Variants in MS4A8 observed in about 807,000 individuals in gnomAD.
MS4A8 encodes the protein membrane spanning 4-domains A8.
MS4A8 carries 27 observed loss-of-function variants against 23.7 expected under a neutral mutation model. That is an observed-to-expected ratio of 1.14 (90% CI 0.84 to 1.57). The LOEUF is 1.57. Among genes scored for constraint, MS4A8 ranks in the 40% most tolerant of loss-of-function variants. The pLI is 0.00. For missense variants in MS4A8, 301 were observed against 311.4 expected (o/e 0.97, Z 0.25); for synonymous variants, 138 against 126.3 (o/e 1.09, Z -0.62).
At chr11:60,712,438 T>C (rs955368090) in intron 5 of MS4A8, 1 of 985,338 alleles carries the variant, frequency 1.0e-6, no homozygotes, top group Non-Finnish European at 1.2e-6. Context: ...GAGAGGCCTC[T>C]CCAGAAGAGA....
chr11:60,714,132 G>T (rs925936092), intron 5 of MS4A8, among the ~76,000 whole-genome samples: 3 of 145,922 alleles, frequency 2.1e-5, no homozygotes, highest in African/African-American at 8.3e-5. Context: ...CACCTTGTTA[G>T]CCAGGATGGT....
intron 5 of MS4A8, among the ~76,000 whole-genome samples, chr11:60,714,775 G>A (rs909274473): frequency 2.6e-5 from 4 of 152,000 alleles, no homozygotes; most frequent in African/African-American, 9.7e-5. Flanking sequence ...ACCTATCAAG[G>A]GGCTTCCCTA....
rs1460334462 is a variant in MS4A8, at chr11:60,699,616, T to A, written c.-161T>A. ...GAATGAAACTGAGCTCTAAGCAGCA[T>A]GTAACCTGGCCTGCATCCAGGAAAT... On this transcript the variant is annotated 5_prime_UTR_variant, in exon 1 of 7. An upstream start codon of the reference 5' UTR is lost. Transcript: ENST00000300226. The A allele has an allele frequency of 6.6e-6, 1 of 152,188 alleles. No homozygotes were observed. Among genetic ancestry groups the A allele is most frequent in the Non-Finnish European group, 1.5e-5 (1 of 68,058 alleles). The allele number at this position is 152,188 out of a possible 1,614,324, so 9.4% of individuals were successfully genotyped here. A position where few individuals can be genotyped will look rare whatever the true frequency, so the allele number is the denominator to read the frequency against.
intron 5 of MS4A8, among the ~76,000 whole-genome samples, chr11:60,713,307 G>A (rs563126550): frequency 2.0e-5 from 3 of 152,268 alleles, no homozygotes; most frequent in East Asian, 1.9e-4. Flanking sequence ...CTAGGGGACC[G>A]GCGTTCAGCA....
At position 60,707,048 on chromosome 11, in the gene MS4A8, G is replaced by T. The variant is rs377663582; in HGVS notation, c.402+1G>T. 1 of 1,613,306 alleles carries T rather than the reference G, an allele frequency of 6.2e-7. No individual in the cohort carries two copies. Among genetic ancestry groups the T allele is most frequent in the Non-Finnish European group, 8.5e-7 (1 of 1,179,288 alleles). On this transcript the variant is annotated splice_donor_variant, in intron 4 of 6. Coordinates refer to ENST00000300226, the MANE Select transcript of MS4A8 (RefSeq NM_031457.2). LOFTEE classifies it high-confidence loss of function. ...AAATCAGCCATATTCTTATTGCCTG[G>T]TAAGTTACATTCTGAGACCAGCTCT...
chr11:60,715,485 C>T lies in MS4A8; in HGVS notation c.*71C>T, dbSNP rs2088336472. The T allele has an allele frequency of 8.0e-7, 1 of 1,244,418 alleles. No homozygotes were observed. The highest frequency in any genetic ancestry group is 2.4e-5 in the East Asian group (1 of 41,946). The allele number at this position is 1,244,418 out of a possible 1,614,324, so 77.1% of individuals were successfully genotyped here. ...CTCCTCCCTTTCTGGGCTTCCATAA[C>T]CCAGGTCGTTCCTGTTCTGACAGCT... is the stretch of plus-strand genomic sequence containing the variant. On this transcript the variant is annotated 3_prime_UTR_variant, in exon 7 of 7. Transcript: ENST00000300226.
Position 60,715,499 on chromosome 11 carries a change from G to C in MS4A8, c.*85G>C, listed in dbSNP as rs2088336627. On this transcript the variant is annotated 3_prime_UTR_variant, in exon 7 of 7. Transcript: ENST00000300226. Reference sequence around the variant, plus strand: ...GGCTTCCATAACCCAGGTCGTTCCTGTTCTGACAGCTGAGGAAACGTCTCT... The same window carrying C: ...GGCTTCCATAACCCAGGTCGTTCCTCTTCTGACAGCTGAGGAAACGTCTCT... The C allele has an allele frequency of 2.0e-6, 2 of 1,014,180 alleles. No individual in the cohort carries two copies. The highest frequency in any genetic ancestry group is 5.0e-5 in the East Asian group (2 of 40,020). The allele number at this position is 1,014,180 out of a possible 1,614,324, so 62.8% of individuals were successfully genotyped here. A position where few individuals can be genotyped will look rare whatever the true frequency, so the allele number is the denominator to read the frequency against.
intron 1 of MS4A8, 33 bp downstream of exon 1, chr11:60,699,808 G>C (rs1475353465): frequency 6.6e-6 from 1 of 152,376 alleles, no homozygotes; most frequent in Non-Finnish European, 1.5e-5. Context: ...TTGGTAACTG[G>C]GAGTTGGTGA....
intron 5 of MS4A8, among the ~76,000 whole-genome samples, chr11:60,710,319 T>C (rs1436124297): frequency 6.6e-6 from 1 of 152,224 alleles, no homozygotes; most frequent in Non-Finnish European, 1.5e-5. Flanking sequence ...AGCTCATAGT[T>C]CATACATCCA....
rs753032049 is a variant in MS4A8 at position 60,715,357 on chromosome 11, C to T, written c.696C>T (p.Thr232=). 4 of 1,614,022 alleles carry T rather than the reference C, an allele frequency of 2.5e-6. No individual in the cohort carries two copies. Among genetic ancestry groups the T allele is most frequent in the South Asian group, 1.1e-5 (1 of 91,076 alleles). ...TCTATGCAGCAAACCCAGTGATCAC[C>T]CCAGAACCGGTGACCTCACCACCAA... ...PNIYAANPVI[T]PEPVTSPPSY... The change falls in exon 7 of 7, where the codon ACC becomes ACT. Residue 232 remains threonine, a synonymous_variant. Transcript: ENST00000300226.
chr11:60,707,578 A>T (rs1377769777), intron 4 of MS4A8, among the ~76,000 whole-genome samples: 1 of 152,184 alleles, frequency 6.6e-6, no homozygotes, highest in Non-Finnish European at 1.5e-5. Context: ...TTTGTCTCAT[A>T]ATCAGGTTAC....
intron 2 of MS4A8, among the ~76,000 whole-genome samples, chr11:60,702,003 T>C (rs2088209309): frequency 6.6e-6 from 1 of 152,230 alleles, no homozygotes; most frequent in African/African-American, 2.4e-5. Context: ...ACACTGTGTA[T>C]AATTTGCTTA....
intron 4 of MS4A8, among the ~76,000 whole-genome samples, chr11:60,708,078 C>T (rs1458593961): frequency 6.6e-6 from 1 of 151,960 alleles, no homozygotes; most frequent in Non-Finnish European, 1.5e-5. Flanking sequence ...GAACTCCTGA[C>T]CTCAGGTGAT....
At position 60,706,972 on chromosome 11, in the gene MS4A8, C is replaced by T. The variant is rs80194727; in HGVS notation, c.343-16C>T. The T allele has an allele frequency of 1.4e-3, 2,330 of 1,613,736 alleles. 21 individuals are homozygous for T. In the African/African-American group the frequency reaches 0.023, roughly 16 times the overall value. On this transcript the variant is annotated splice_polypyrimidine_tract_variant and intron_variant, in intron 3 of 6. Coordinates refer to ENST00000300226, the MANE Select transcript of MS4A8 (RefSeq NM_031457.2). ...AGCCCCTGACCTCTTTCTAAACCCA[C>T]TCTGTTCTGTACCAGTTTATCATTT...
At chr11:60,701,196 G>A (rs1281863076) in intron 2 of MS4A8, 117 bp downstream of exon 2, 20 of 978,382 alleles carry the variant, frequency 2.0e-5, no homozygotes, top group Non-Finnish European at 2.7e-5. Flanking sequence ...TGAGTTGATC[G>A]CGCCTTGCCA....
In MS4A8 at chr11:60,708,657, G is replaced by A; in HGVS notation, c.410G>A (p.Gly137Asp). Residue 137 changes from glycine (G) to aspartate (D), a missense_variant, in exon 5 of 7, where the codon GGC (glycine) becomes GAC (aspartate). Coordinates refer to ENST00000300226, the MANE Select transcript of MS4A8 (RefSeq NM_031457.2). ...CCTCTGTGTCTTCTTCAGCTGTCTG[G>A]CAGTTTGGGCTTGAACATCGTCAGT... ...NQPYSYCLLSGSLGLNIVSAI... is the reference protein window; with the variant it reads ...NQPYSYCLLSDSLGLNIVSAI... 1 of 1,532,114 alleles carries A rather than the reference G, an allele frequency of 6.5e-7. No homozygotes were observed. Among genetic ancestry groups the A allele is most frequent in the Non-Finnish European group, 8.8e-7 (1 of 1,141,678 alleles). 94.9% of individuals were successfully genotyped at this position (1,532,114 alleles called of 1,614,324 possible). A position where few individuals can be genotyped will look rare whatever the true frequency, so the allele number is the denominator to read the frequency against.
rs551642861 is a variant in MS4A8 at position 60,714,242 on chromosome 11, G to C, written c.535-779G>C. Among the ~76,000 whole-genome samples, 469 of 151,590 alleles carry C rather than the reference G, an allele frequency of 3.1e-3. 23 individuals are homozygous for C. Among genetic ancestry groups the C allele is most frequent in the African/African-American group, 0.011 (448 of 40,900 alleles). ...CCCGGCCGGTGATGACTCTTAACAA[G>C]CGTGCTGCCTTCAAGCATTTGTTTA... On this transcript the variant is annotated intron_variant, in intron 5 of 6. Coordinates refer to ENST00000300226, the MANE Select transcript of MS4A8 (RefSeq NM_031457.2).
intron 5 of MS4A8, chr11:60,712,211 C>T (rs1410636556): frequency 4.2e-6 from 2 of 473,054 alleles, no homozygotes; most frequent in Non-Finnish European, 5.5e-6. Flanking sequence ...CTCTCTAAAT[C>T]CCTTCATGAC....
intron 4 of MS4A8, among the ~76,000 whole-genome samples, chr11:60,708,026 T>C (rs971420782): frequency 2.0e-5 from 3 of 151,924 alleles, no homozygotes; most frequent in African/African-American, 7.3e-5. Flanking sequence ...TTTTGGTATT[T>C]TGGTAGAGAC....
Sources: gnomAD v4.1 joint callset for allele counts (sites outside exome capture counted in the v4.1 genomes callset) on GRCh38, gnomAD v4.1.1 for gene constraint, MANE v1.5 for transcripts, NCBI Gene and HGNC (gene_info 2026-07-23, HGNC 2026-07-21) for gene names.